Variants in R3HDM1 observed in about 807,000 individuals in gnomAD.
R3HDM1 encodes the protein R3H domain containing 1.
In R3HDM1, 46 loss-of-function variants were observed where a neutral mutation model predicts 141.1. That is an observed-to-expected ratio of 0.33 (90% CI 0.26 to 0.42). The LOEUF (loss-of-function observed/expected upper bound fraction) is 0.42. Ranked by LOEUF, R3HDM1 falls within the 10% of genes least tolerant of loss-of-function variation. The pLI is 1.00. For missense variants in R3HDM1, 1,184 were observed against 1,368.3 expected (o/e 0.87, Z 2.12); for synonymous variants, 435 against 472.9 (o/e 0.92, Z 1.04).
intron 7 of R3HDM1, among the ~76,000 whole-genome samples, chr2:135,624,404 A>G (rs959347232): frequency 6.6e-6 from 1 of 151,924 alleles, no homozygotes; most frequent in Non-Finnish European, 1.5e-5. Flanking sequence ...AAAAAAAAAA[A>G]AAAAAAAGGA....
At chr2:135,571,559 C>A (rs1297854311) in intron 1 of R3HDM1, among the ~76,000 whole-genome samples, 2 of 151,958 alleles carry the variant, frequency 1.3e-5, no homozygotes, top group Non-Finnish European at 2.9e-5. Context: ...CTCCTGAGCT[C>A]AGGCAGTTCG....
At chr2:135,559,084 T>C (rs1355016195) in intron 1 of R3HDM1, 1 of 947,244 alleles carries the variant, frequency 1.1e-6, no homozygotes, top group African/African-American at 1.9e-5. Flanking sequence ...TGTGTGTGTG[T>C]GTGTGTGTGC....
At chr2:135,720,210 T>C (rs1346400764) in intron 24 of R3HDM1, among the ~76,000 whole-genome samples, 1 of 152,190 alleles carries the variant, frequency 6.6e-6, no homozygotes, top group Non-Finnish European at 1.5e-5. Flanking sequence ...TAAACCCCCA[T>C]GTCATATCTG....
chr2:135,661,541 G>C, intron 19 of R3HDM1, 148 bp downstream of exon 19: 1 of 1,039,304 alleles, frequency 9.6e-7, no homozygotes, highest in Non-Finnish European at 1.4e-6. Flanking sequence ...GAGATTAAAA[G>C]AGTGAGCAAA....
At chr2:135,651,350 T>G (rs1392650460) in intron 17 of R3HDM1, 1 of 984,216 alleles carries the variant, frequency 1.0e-6, no homozygotes. Context: ...GCTCATTGCT[T>G]GGTCTTTGAA....
intron 23 of R3HDM1, among the ~76,000 whole-genome samples, chr2:135,711,687 A>T (rs1245158041): frequency 6.6e-6 from 1 of 150,380 alleles, no homozygotes; most frequent in African/African-American, 2.4e-5. Flanking sequence ...ACCCAGGCAC[A>T]GTGGCTCATG....
chr2:135,604,790 A>G lies in R3HDM1; in HGVS notation c.-40-16A>G. 1 of 1,546,352 alleles carries G rather than the reference A, an allele frequency of 6.5e-7. No individual in the cohort carries two copies. The highest frequency in any genetic ancestry group is 8.9e-7 in the Non-Finnish European group (1 of 1,126,454). On this transcript the variant is annotated splice_polypyrimidine_tract_variant and intron_variant, in intron 2 of 26. Transcript: ENST00000683871. ...TGTAAAAAAGTTTCAAACTGTATTAATTTTTTTTTCTTAAGGCTTCAAGCT... is the reference window on the plus strand; with the variant it reads ...TGTAAAAAAGTTTCAAACTGTATTAGTTTTTTTTTCTTAAGGCTTCAAGCT...
At chr2:135,621,361 G>A (rs2061496326) in intron 5 of R3HDM1, 133 bp from the exon 6 acceptor site, 5 of 485,606 alleles carry the variant, frequency 1.0e-5, no homozygotes, top group Non-Finnish European at 1.8e-5. Context: ...TTGTTTTTTA[G>A]TTTGAAGAAT....
chr2:135,566,621 C>A, intron 1 of R3HDM1: 1 of 280,018 alleles, frequency 3.6e-6, no homozygotes, highest in Non-Finnish European at 5.4e-6. Context: ...GTCAGCATTA[C>A]CAGTATATTT....
chr2:135,623,778 G>A (rs12465802), intron 7 of R3HDM1, among the ~76,000 whole-genome samples: 92,457 of 152,094 alleles, frequency 0.61, 33,467 homozygotes, highest in East Asian at 1. Context: ...GTATTACATA[G>A]AAGCTCTGAC....
Position 135,678,473 on chromosome 2 carries a change from C to T in R3HDM1, c.2308-1700C>T, listed in dbSNP as rs76963996. On this transcript the variant is annotated intron_variant, in intron 20 of 26. Coordinates refer to ENST00000683871, the MANE Select transcript of R3HDM1 (RefSeq NM_001378107.1). Reference sequence around the variant, plus strand: ...ATGATAAAAGTACCTTCAGGCCTGGCGCAGTGGCTCATGCCTGTAACCCCA... The same window carrying T: ...ATGATAAAAGTACCTTCAGGCCTGGTGCAGTGGCTCATGCCTGTAACCCCA... 3.8e-3 allele frequency among the ~76,000 whole-genome samples: 571 copies of T among 151,844 alleles called. 4 individuals carry two copies. The highest frequency in any genetic ancestry group is 0.013 in the African/African-American group (539 of 41,438).
chr2:135,556,316 G>A (rs1325988414), intron 1 of R3HDM1, among the ~76,000 whole-genome samples: 1 of 152,012 alleles, frequency 6.6e-6, no homozygotes, highest in African/African-American at 2.4e-5. Context: ...ACACTACTCC[G>A]AATATACAAA....
At chr2:135,638,201 A>G (rs1368267104) in intron 11 of R3HDM1, among the ~76,000 whole-genome samples, 1 of 152,230 alleles carries the variant, frequency 6.6e-6, no homozygotes, top group Non-Finnish European at 1.5e-5. Flanking sequence ...CCAGATTAAC[A>G]GTGCTGAAGG....
intron 3 of R3HDM1, among the ~76,000 whole-genome samples, chr2:135,615,247 G>GTT (rs60747062): frequency 2.9e-4 from 42 of 146,060 alleles, no homozygotes; most frequent in Admixed American, 6.1e-4. Context: ...AAAATGATGG[G>GTT]TTTTTTTTTT....
In R3HDM1 at chr2:135,636,072, A is replaced by G; in HGVS notation, c.808-16A>G. The G allele has an allele frequency of 6.2e-7, 1 of 1,611,458 alleles. No homozygotes were observed. Among genetic ancestry groups the G allele is most frequent in the South Asian group, 1.1e-5 (1 of 90,690 alleles). On this transcript the variant is annotated splice_polypyrimidine_tract_variant and intron_variant, in intron 10 of 26. Coordinates refer to ENST00000683871, the MANE Select transcript of R3HDM1 (RefSeq NM_001378107.1). ...CCAGTAGTTCATTTGCCTAAAAATT[A>G]TCCTCTTTTCTGTAGATGAGAATAC...
intron 21 of R3HDM1, among the ~76,000 whole-genome samples, chr2:135,682,235 G>T (rs4954281): frequency 0.17 from 25,285 of 151,632 alleles, 2,787 homozygotes; most frequent in South Asian, 0.32. Flanking sequence ...TCTATGTGGG[G>T]CAGAGGCTGA....
At chr2:135,711,963 T>TAAAAAAA (rs35616482) in intron 23 of R3HDM1, among the ~76,000 whole-genome samples, 12 of 85,072 alleles carry the variant, frequency 1.4e-4, no homozygotes, top group African/African-American at 2.9e-4. Context: ...TGTCTAAAAT[T>TAAAAAAA]AAAAAAAAAA....
chr2:135,671,231 C>A (rs2068283087), intron 19 of R3HDM1, among the ~76,000 whole-genome samples: 1 of 151,096 alleles, frequency 6.6e-6, no homozygotes, highest in South Asian at 2.1e-4. Flanking sequence ...GTACAGTTTT[C>A]TAGGAGAGAC....
intron 15 of R3HDM1, among the ~76,000 whole-genome samples, chr2:135,643,055 A>T (rs905501626): frequency 1.1e-4 from 16 of 152,182 alleles, no homozygotes; most frequent in Non-Finnish European, 1.9e-4. Context: ...TTGCTTAGGA[A>T]GGGATAGAGT....
Sources: allele counts gnomAD v4.1 joint callset (sites outside exome capture counted in the v4.1 genomes callset), GRCh38; gene constraint gnomAD v4.1.1; transcripts MANE v1.5; gene names NCBI Gene and HGNC (gene_info 2026-07-23, HGNC 2026-07-21).